Variants in AK9 observed in about 807,000 individuals in gnomAD.
AK9 encodes the protein adenylate kinase domain containing 1.
Under a neutral mutation model 239.6 loss-of-function variants are expected in AK9, and 191 were observed. The ratio of observed to expected loss-of-function variants is 0.80; its 90% CI spans 0.71 to 0.90. The LOEUF (loss-of-function observed/expected upper bound fraction) is 0.90, where lower values mean the gene tolerates loss of function less well. AK9 is among the 40% of genes least tolerant of loss of function. AK9 has a pLI of 0.00. For missense variants in AK9, 1,995 were observed against 2,214.7 expected (o/e 0.90, Z 1.99); for synonymous variants, 689 against 721.0 (o/e 0.96, Z 0.71).
intron 1 of AK9, among the ~76,000 whole-genome samples, chr6:109,676,891 A>G (rs1481015809): frequency 6.6e-6 from 1 of 152,190 alleles, no homozygotes; most frequent in Non-Finnish European, 1.5e-5. Context: ...TGGTACATAT[A>G]TATCAGAATA....
Position 109,630,661 on chromosome 6 carries a change from T to C in AK9, c.1254+2262A>G, listed in dbSNP as rs550242405. The stretch of plus-strand genomic sequence containing the variant: ...GCTCCTGAGATCAGCCTGGACAACA[T>C]AGCAAGACCCCATCTCTACAAAAAA... On this transcript the variant is annotated intron_variant, in intron 12 of 40. Transcript: ENST00000424296. Among the ~76,000 whole-genome samples, 6 of 152,040 alleles carry C rather than the reference T, an allele frequency of 3.9e-5. No homozygotes were observed. The East Asian group carries it at 5.8e-4, about 15-fold the overall frequency.
intron 17 of AK9, among the ~76,000 whole-genome samples, chr6:109,608,238 C>T (rs1035551427): frequency 6.7e-6 from 1 of 148,570 alleles, no homozygotes; most frequent in African/African-American, 2.5e-5. Context: ...GAGATCGCAC[C>T]ACTGCACTCC....
chr6:109,504,949 T>C (rs1324605870), intron 35 of AK9, among the ~76,000 whole-genome samples: 2 of 152,228 alleles, frequency 1.3e-5, no homozygotes, highest in African/African-American at 4.8e-5. Flanking sequence ...ACAGGGAGGC[T>C]GAAATAGAGT....
chr6:109,507,422 A>G (rs1015729218), intron 33 of AK9, among the ~76,000 whole-genome samples: 1 of 151,616 alleles, frequency 6.6e-6, no homozygotes, highest in African/African-American at 2.4e-5. Flanking sequence ...GCTGGGGGAG[A>G]GTTGGTGAGA....
Position 109,509,243 on chromosome 6 carries a change from G to C in AK9, c.4417C>G (p.Pro1473Ala). 1 of 1,552,032 alleles carries C rather than the reference G, an allele frequency of 6.4e-7. No individual in the cohort carries two copies. The highest frequency in any genetic ancestry group is 8.7e-7 in the Non-Finnish European group (1 of 1,147,074). The change falls in exon 33 of 41, where the codon CCT becomes GCT. Residue 1473 changes from proline (P) to alanine (A), a missense_variant. By Grantham distance (27) the Pro-to-Ala change is conservative (BLOSUM62 -1). Transcript: ENST00000424296. Reference protein sequence around the residue: ...NWHLHKGMTAPDELAIQALEL... With the variant: ...NWHLHKGMTAADELAIQALEL... ...AAGGCTTGAATAGCCAGTTCATCAGGTGCTGTCATTCCTTTATGAAGATGC... is the reference window on the plus strand; with the variant it reads ...AAGGCTTGAATAGCCAGTTCATCAGCTGCTGTCATTCCTTTATGAAGATGC...
At chr6:109,513,965 G>A (rs964258581) in intron 32 of AK9, among the ~76,000 whole-genome samples, 7 of 152,174 alleles carry the variant, frequency 4.6e-5, no homozygotes, top group African/African-American at 1.7e-4. Context: ...CCTGTCCCAT[G>A]ACTTCACCCT....
rs115666311 is a variant in AK9 at position 109,506,403 on chromosome 6, C to A, written c.4773G>T (p.Trp1591Cys). 3.7e-3 allele frequency: 6,044 copies of A among 1,613,660 alleles called. 196 individuals carry two copies. In the African/African-American group the frequency reaches 0.073, roughly 20 times the overall value. ...CATTCTTAATGACTTCATTCCATAC[C>A]CACCATTTGCTGTGAAATCCATCAA... is the stretch of plus-strand genomic sequence containing the variant. ...YVIDGFHSKW[W>C]VWNEVIKNVQ... The change falls in exon 35 of 41, where the codon TGG (tryptophan) becomes TGT (cysteine). Residue 1591 changes from tryptophan (W) to cysteine (C), a missense_variant. Trp to Cys is a radical substitution (Grantham distance 215). This residue lies in a region of AK9 where 391 missense variants were observed against 456.0 expected (regional missense o/e 0.86). Transcript: ENST00000424296.
In AK9 at chr6:109,631,938, T is replaced by C. The variant is rs117078795; in HGVS notation, c.1254+985A>G. On this transcript the variant is annotated intron_variant, in intron 12 of 40. Coordinates refer to ENST00000424296, the MANE Select transcript of AK9 (RefSeq NM_001145128.3). The stretch of plus-strand genomic sequence containing the variant: ...CCATGCAAAACTAGCCTATGGTATT[T>C]GGATGTATGCTTCCACGGCAAAACC... The C allele has an allele frequency of 2.5e-3, 387 of 155,490 alleles. 2 individuals carry two copies. Among genetic ancestry groups the C allele is most frequent in the Non-Finnish European group, 4.4e-3 (315 of 70,876 alleles). 9.6% of individuals were successfully genotyped at this position (155,490 alleles called of 1,614,324 possible).
At chr6:109,493,641 G>A in intron 40 of AK9, 70 bp from the exon 41 acceptor site, 1 of 1,343,414 alleles carries the variant, frequency 7.4e-7, no homozygotes, top group South Asian at 1.3e-5. Flanking sequence ...AAGAGACCTG[G>A]ATGTGTGGTT....
At chr6:109,578,077 G>A (rs140618720) in intron 20 of AK9, among the ~76,000 whole-genome samples, 3,882 of 151,100 alleles carry the variant, frequency 0.026, 172 homozygotes, top group African/African-American at 0.09. Context: ...GATTACAGGC[G>A]TGCACCACCA....
intron 17 of AK9, among the ~76,000 whole-genome samples, chr6:109,588,675 G>A (rs185468877): frequency 2.0e-5 from 3 of 152,262 alleles, no homozygotes; most frequent in Admixed American, 1.3e-4. Context: ...GTCCAGAAGA[G>A]TTTTTCCTAG....
At chr6:109,655,596 T>C (rs1799578535) in intron 8 of AK9, among the ~76,000 whole-genome samples, 1 of 152,224 alleles carries the variant, frequency 6.6e-6, no homozygotes, top group Non-Finnish European at 1.5e-5. Context: ...CTGATGAACA[T>C]TTGTTAAATA....
intron 35 of AK9, among the ~76,000 whole-genome samples, chr6:109,500,032 GATACAC>G (rs1031473615): frequency 6.5e-5 from 5 of 76,384 alleles, no homozygotes; most frequent in African/African-American, 2.6e-4. Context: ...CTATATATAT[GATACAC>G]ACACACACAC....
chr6:109,615,708 C>T (rs1256944783), intron 13 of AK9, among the ~76,000 whole-genome samples: 1 of 152,082 alleles, frequency 6.6e-6, no homozygotes, highest in Non-Finnish European at 1.5e-5. Context: ...TAGGTAAATA[C>T]TGTGTTCTCA....
chr6:109,688,272 A>G (rs1337380187), intron 1 of AK9, among the ~76,000 whole-genome samples: 3 of 152,134 alleles, frequency 2.0e-5, no homozygotes, highest in Non-Finnish European at 4.4e-5. Flanking sequence ...AGGAGACAAA[A>G]CATTCATTCA....
intron 27 of AK9, among the ~76,000 whole-genome samples, chr6:109,538,364 C>T (rs1301643769): frequency 6.6e-6 from 1 of 152,076 alleles, no homozygotes; most frequent in Admixed American, 6.6e-5. Context: ...ATGTAATGGC[C>T]TTCTTTGACT....
intron 28 of AK9, among the ~76,000 whole-genome samples, chr6:109,532,908 G>A (rs1193972610): frequency 6.6e-6 from 1 of 152,010 alleles, no homozygotes; most frequent in African/African-American, 2.4e-5. Context: ...TGGTGTCATC[G>A]CTCCAGGGGC....
At chr6:109,685,927 G>A (rs987766758) in intron 1 of AK9, among the ~76,000 whole-genome samples, 1 of 152,168 alleles carries the variant, frequency 6.6e-6, no homozygotes, top group African/African-American at 2.4e-5. Flanking sequence ...GATGAGGGTA[G>A]ACTTCTGCAA....
intron 12 of AK9, among the ~76,000 whole-genome samples, chr6:109,627,216 T>C (rs1313956207): frequency 6.8e-6 from 1 of 147,936 alleles, no homozygotes; most frequent in Admixed American, 6.8e-5. Context: ...CCTCTATATC[T>C]TGTCCCACTG....
Sources: gnomAD v4.1 joint callset for allele counts (sites outside exome capture counted in the v4.1 genomes callset) on GRCh38, gnomAD v4.1.1 for gene constraint, gnomAD v4.1.1 regional missense constraint, MANE v1.5 for transcripts, NCBI Gene and HGNC (gene_info 2026-07-23, HGNC 2026-07-21) for gene names.